ICA1L: variants seen among roughly 807,000 people sequenced by gnomAD.
ICA1L encodes islet cell autoantigen 1-like protein.
ICA1L carries 50 observed loss-of-function variants against 61.3 expected under a neutral mutation model. The observed-to-expected ratio is 0.82, with a 90% confidence interval of 0.65 to 1.03. The LOEUF is 1.03. Among genes scored for constraint, ICA1L ranks in the 50% least tolerant of loss-of-function variants. ICA1L has a pLI of 0.00. For synonymous variants in ICA1L, 161 were observed against 191.3 expected (o/e 0.84, Z 1.31); for missense variants, 508 against 556.7 (o/e 0.91, Z 0.88).
chr2:202,829,107 G>A, intron 1 of ICA1L, 91 bp from the exon 2 acceptor site: 1 of 1,014,922 alleles, frequency 9.9e-7, no homozygotes, highest in Non-Finnish European at 1.4e-6. Context: ...CCACAACTTT[G>A]GGAGGCTGAG....
chr2:202,786,898 T>C, intron 11 of ICA1L: 1 of 343,256 alleles, frequency 2.9e-6, no homozygotes, highest in Admixed American at 3.9e-5. Context: ...GAGAAATGTT[T>C]GCTACAACAT....
chr2:202,858,909 A>G lies in ICA1L; in HGVS notation c.-8+12710T>C, dbSNP rs575775301. ...AAGTACACTCTATGAAGTTCATACA[A>G]TGACAAAATTGCCTAAGGACACATT... On this transcript the variant is annotated intron_variant, in intron 1 of 12. Coordinates refer to ENST00000358299, the MANE Select transcript of ICA1L (RefSeq NM_001288622.3). Among the ~76,000 whole-genome samples, 16 of 152,308 alleles carry G rather than the reference A, an allele frequency of 1.1e-4. 1 individual carries two copies. In the South Asian group the frequency reaches 3.3e-3, roughly 32 times the overall value.
rs183526646 is a variant in ICA1L, at chr2:202,819,656, T to C, written c.558+45A>G. ...TTATCTTAATTATTCTGTGGCAGTT[T>C]CATATTTCATACACCAAGAAAAGGA... On this transcript the variant is annotated intron_variant, in intron 5 of 12. Transcript: ENST00000358299. The C allele has an allele frequency of 4.2e-5, 58 of 1,379,768 alleles. No homozygotes were observed. The East Asian group carries it at 1.2e-3, about 28-fold the overall frequency. 85.5% of individuals were successfully genotyped at this position (1,379,768 alleles called of 1,614,324 possible). A position where few individuals can be genotyped will look rare whatever the true frequency, so the allele number is the denominator to read the frequency against.
At chr2:202,793,788 A>C (rs2105826541) in intron 10 of ICA1L, among the ~76,000 whole-genome samples, 1 of 151,996 alleles carries the variant, frequency 6.6e-6, no homozygotes, top group East Asian at 1.9e-4. Context: ...GGAGTTTGAG[A>C]CCAGCCTGAC....
intron 12 of ICA1L, among the ~76,000 whole-genome samples, chr2:202,784,086 C>G (rs1692500913): frequency 6.6e-6 from 1 of 152,166 alleles, no homozygotes; most frequent in Non-Finnish European, 1.5e-5. Flanking sequence ...TGAAAGGGCT[C>G]CCACTGGCCA....
chr2:202,829,621 CTCAG>C (rs1693957682), intron 1 of ICA1L, among the ~76,000 whole-genome samples: 1 of 152,066 alleles, frequency 6.6e-6, no homozygotes, highest in African/African-American at 2.4e-5. Flanking sequence ...TATTAATGTT[CTCAG>C]TCAGACATGC....
intron 1 of ICA1L, among the ~76,000 whole-genome samples, chr2:202,862,779 G>A (rs1486843498): frequency 6.6e-6 from 1 of 151,770 alleles, no homozygotes; most frequent in Non-Finnish European, 1.5e-5. Flanking sequence ...AGAGGTTGCA[G>A]TGAGTTGAGA....
At chr2:202,802,561 CA>C (rs1308267235) in intron 9 of ICA1L, among the ~76,000 whole-genome samples, 1 of 151,210 alleles carries the variant, frequency 6.6e-6, no homozygotes, top group African/African-American at 2.4e-5. Flanking sequence ...ACTGAAAGAG[CA>C]GAATACCAAA....
chr2:202,854,494 A>G (rs1326530768), intron 1 of ICA1L, among the ~76,000 whole-genome samples: 2 of 152,132 alleles, frequency 1.3e-5, no homozygotes, highest in Non-Finnish European at 2.9e-5. Context: ...GAGACAGAAA[A>G]TTAACAAGGA....
intron 1 of ICA1L, among the ~76,000 whole-genome samples, chr2:202,858,264 T>G (rs928544261): frequency 2.0e-5 from 3 of 152,168 alleles, no homozygotes; most frequent in Non-Finnish European, 4.4e-5. Context: ...ATGAGGCACA[T>G]ATGCATCAAG....
intron 1 of ICA1L, among the ~76,000 whole-genome samples, chr2:202,857,059 A>C (rs1024015311): frequency 1.3e-5 from 2 of 152,222 alleles, no homozygotes; most frequent in African/African-American, 4.8e-5. Flanking sequence ...ATAGTGCCCA[A>C]AGTAATTTAT....
chr2:202,829,562 T>G (rs1234199296), intron 1 of ICA1L, among the ~76,000 whole-genome samples: 1 of 152,124 alleles, frequency 6.6e-6, no homozygotes, highest in Admixed American at 6.6e-5. Context: ...TGCCTCAGCC[T>G]CATGCAGCAC....
intron 1 of ICA1L, among the ~76,000 whole-genome samples, chr2:202,864,781 G>A (rs1168541706): frequency 1.3e-5 from 2 of 152,134 alleles, no homozygotes; most frequent in African/African-American, 4.8e-5. Context: ...CACTTTAGGA[G>A]GCTGATGTGG....
rs935686766 is a variant in ICA1L at position 202,849,279 on chromosome 2, C to T, written c.-7-20263G>A. 5.3e-5 allele frequency among the ~76,000 whole-genome samples: 8 copies of T among 152,156 alleles called. No individual in the cohort carries two copies. The highest frequency in any genetic ancestry group is 1.3e-4 in the Admixed American group (2 of 15,274). On this transcript the variant is annotated intron_variant, in intron 1 of 12. Coordinates refer to ENST00000358299, the MANE Select transcript of ICA1L (RefSeq NM_001288622.3). The surrounding 1 kb of genome is among the most constrained non-coding windows in gnomAD (Gnocchi z 4.5). ...AGTGGTGCCTGGAACCCCAGCGAGACAAAACCGTTCACTCCCCTGGAAAGG... is the reference window on the plus strand; with the variant it reads ...AGTGGTGCCTGGAACCCCAGCGAGATAAAACCGTTCACTCCCCTGGAAAGG...
chr2:202,859,668 T>C (rs1305081433), intron 1 of ICA1L, among the ~76,000 whole-genome samples: 2 of 152,224 alleles, frequency 1.3e-5, no homozygotes, highest in Non-Finnish European at 2.9e-5. Flanking sequence ...CATCTTGACC[T>C]AATATTCTTA....
At chr2:202,817,169 C>T (rs1222506929) in intron 6 of ICA1L, among the ~76,000 whole-genome samples, 1 of 152,082 alleles carries the variant, frequency 6.6e-6, no homozygotes, top group Admixed American at 6.6e-5. Context: ...TTCAACATTC[C>T]CCTCTTCAAC....
intron 1 of ICA1L, among the ~76,000 whole-genome samples, chr2:202,859,880 C>G (rs921082350): frequency 2.0e-5 from 3 of 151,942 alleles, no homozygotes; most frequent in Admixed American, 1.3e-4. Context: ...TCATAATATC[C>G]CCAGAAAGCT....
At chr2:202,825,569 T>A in intron 3 of ICA1L, 126 bp downstream of exon 3, 1 of 1,337,890 alleles carries the variant, frequency 7.5e-7, no homozygotes, top group Non-Finnish European at 9.6e-7. Context: ...CAGGTAACTG[T>A]AAATATTCAT....
intron 9 of ICA1L, among the ~76,000 whole-genome samples, chr2:202,803,400 C>CAAAAAAAAA (rs71030990): frequency 8.2e-5 from 5 of 60,634 alleles, no homozygotes; most frequent in East Asian, 4.0e-4. Flanking sequence ...GACTCGATCT[C>CAAAAAAAAA]AAAAAAAAAA....
Sources: gnomAD v4.1 joint callset for allele counts (sites outside exome capture counted in the v4.1 genomes callset) on GRCh38, gnomAD v4.1.1 for gene constraint, Gnocchi (gnomAD v3.1) non-coding constraint, MANE v1.5 for transcripts, NCBI Gene and HGNC (gene_info 2026-07-23, HGNC 2026-07-21) for gene names.